The following CPEB3 variants were observed in gnomAD, a reference collection of about 807,000 sequenced individuals.
The protein encoded by CPEB3 is cytoplasmic polyadenylation element-binding protein 3.
A neutral mutation model predicts 67.2 loss-of-function variants in CPEB3; 20 were observed. That is an observed-to-expected ratio of 0.30 (90% CI 0.21 to 0.43). The LOEUF (loss-of-function observed/expected upper bound fraction) is 0.43, where lower values mean the gene tolerates loss of function less well. Among genes scored for constraint, CPEB3 ranks in the 20% least tolerant of loss-of-function variants. CPEB3 has a pLI of 1.00. For missense variants in CPEB3, 746 were observed against 968.6 expected, an observed-to-expected ratio of 0.77 and a Z score of 3.05; for synonymous variants, 376 against 393.1, an observed-to-expected ratio of 0.96 and a Z score of 0.51.
intron 9 of CPEB3, among the ~76,000 whole-genome samples, chr10:92,071,731 T>C (rs1308571302): frequency 1.4e-5 from 2 of 146,996 alleles, no homozygotes; most frequent in Non-Finnish European, 3.0e-5. Context: ...TAAGACTCCA[T>C]CTCAAAAAAA....
rs180816748 is a variant in CPEB3 at position 92,133,618 on chromosome 10, C to T, written c.1453+9411G>A. On this transcript the variant is annotated intron_variant, in intron 6 of 9. Coordinates refer to ENST00000265997, the MANE Select transcript of CPEB3 (RefSeq NM_014912.5). ...AGAGCTGGTACCATTCCTTCTAAAA[C>T]GATTCCAATCAATAGAAAAAGAGGG... 8.3e-4 allele frequency among the ~76,000 whole-genome samples: 126 copies of T among 152,248 alleles called. 1 individual carries two copies. The highest frequency in any genetic ancestry group is 2.9e-3 in the African/African-American group (122 of 41,546).
intron 4 of CPEB3, among the ~76,000 whole-genome samples, chr10:92,163,349 G>A (rs189718772): frequency 1.3e-5 from 2 of 152,142 alleles, no homozygotes; most frequent in East Asian, 1.9e-4. Context: ...CAGGAGAATC[G>A]CTTGAACCCG....
At chr10:92,078,150 A>T (rs543040572) in intron 9 of CPEB3, among the ~76,000 whole-genome samples, 2 of 152,190 alleles carry the variant, frequency 1.3e-5, no homozygotes, top group South Asian at 4.2e-4. Context: ...CCTTCACTGT[A>T]CACCGAAGCT....
intron 7 of CPEB3, among the ~76,000 whole-genome samples, chr10:92,094,438 T>A (rs1340408320): frequency 6.6e-6 from 1 of 151,874 alleles, no homozygotes; most frequent in Non-Finnish European, 1.5e-5. Context: ...CCGTTTCTAC[T>A]AAAGATACGA....
intron 4 of CPEB3, among the ~76,000 whole-genome samples, chr10:92,177,172 C>T (rs1336910087): frequency 6.6e-6 from 1 of 152,200 alleles, no homozygotes; most frequent in African/African-American, 2.4e-5. Context: ...TCTTAGCAGC[C>T]TCCTTCTCCA....
At chr10:92,144,825 T>A in intron 5 of CPEB3, 120 bp downstream of exon 5, 1 of 794,468 alleles carries the variant, frequency 1.3e-6, no homozygotes, top group South Asian at 1.7e-5. Context: ...CACCAAATAG[T>A]CTCACCTCCT....
chr10:92,066,827 T>C (rs1038763661), intron 9 of CPEB3, among the ~76,000 whole-genome samples: 2 of 151,952 alleles, frequency 1.3e-5, no homozygotes, highest in Admixed American at 1.3e-4. Flanking sequence ...GGCGGATCAC[T>C]TGAAGTCAGT....
chr10:92,150,628 C>G (rs1312841073), intron 4 of CPEB3, among the ~76,000 whole-genome samples: 1 of 152,162 alleles, frequency 6.6e-6, no homozygotes, highest in African/African-American at 2.4e-5. Context: ...CAAATCATCC[C>G]TGAGAAGTCA....
chr10:92,254,797 T>C (rs149373590), intron 1 of CPEB3, among the ~76,000 whole-genome samples: 1 of 152,184 alleles, frequency 6.6e-6, no homozygotes, highest in Admixed American at 6.5e-5. Flanking sequence ...TACCTAGGAC[T>C]ACCGGCATAT....
chr10:92,258,949 C>G (rs914605039), intron 1 of CPEB3, among the ~76,000 whole-genome samples: 1 of 150,936 alleles, frequency 6.6e-6, no homozygotes, highest in Non-Finnish European at 1.5e-5. Context: ...CGAGCCACCA[C>G]GCCTGGCCCT....
chr10:92,251,648 C>A (rs918813215), intron 1 of CPEB3, among the ~76,000 whole-genome samples: 6 of 152,044 alleles, frequency 3.9e-5, no homozygotes, highest in Admixed American at 2.6e-4. Context: ...ATACTTACAA[C>A]ACTATATTCA....
intron 2 of CPEB3, among the ~76,000 whole-genome samples, chr10:92,237,454 T>G (rs1274445081): frequency 6.6e-6 from 1 of 152,238 alleles, no homozygotes; most frequent in East Asian, 1.9e-4. Context: ...AATGGTTTGC[T>G]GTGTAACAAC....
chr10:92,060,428 T>C (rs1459901496), intron 9 of CPEB3, among the ~76,000 whole-genome samples: 1 of 152,086 alleles, frequency 6.6e-6, no homozygotes, highest in Non-Finnish European at 1.5e-5. Flanking sequence ...AGGAAAACAC[T>C]GGGAAAAATC....
chr10:92,072,980 T>A (rs1184680617), intron 9 of CPEB3, among the ~76,000 whole-genome samples: 1 of 151,952 alleles, frequency 6.6e-6, no homozygotes, highest in Non-Finnish European at 1.5e-5. Context: ...TATTTATTTA[T>A]TTCAAGATGC....
At chr10:92,224,291 A>G (rs1850855508) in intron 2 of CPEB3, among the ~76,000 whole-genome samples, 1 of 152,198 alleles carries the variant, frequency 6.6e-6, no homozygotes, top group Admixed American at 6.5e-5. Flanking sequence ...AAGATATCCT[A>G]GAGTAATCAT....
chr10:92,088,885 G>A (rs1393350502), intron 8 of CPEB3, among the ~76,000 whole-genome samples: 1 of 152,124 alleles, frequency 6.6e-6, no homozygotes, highest in East Asian at 1.9e-4. Context: ...ATGCTCTAAA[G>A]CATTTCAAAA....
intron 1 of CPEB3, among the ~76,000 whole-genome samples, chr10:92,289,732 A>AAAAAAAAAAATATAT: frequency 2.1e-4 from 16 of 75,762 alleles, no homozygotes; most frequent in Non-Finnish European, 3.1e-4. Flanking sequence ...AAAAAAAAAA[A>AAAAAAAAAAATATAT]ATATATATAT....
At chr10:92,271,355 T>C (rs1293374959) in intron 1 of CPEB3, among the ~76,000 whole-genome samples, 2 of 152,216 alleles carry the variant, frequency 1.3e-5, no homozygotes, top group Admixed American at 6.5e-5. Context: ...TTCAATATTA[T>C]TATCATGAGC....
intron 1 of CPEB3, among the ~76,000 whole-genome samples, chr10:92,254,853 T>C (rs1439268487): frequency 6.6e-6 from 1 of 151,914 alleles, no homozygotes; most frequent in Non-Finnish European, 1.5e-5. Context: ...CTTTTCCTTA[T>C]TTTTTTATTT....
Sources: gnomAD v4.1 joint callset for allele counts (sites outside exome capture counted in the v4.1 genomes callset) on GRCh38, gnomAD v4.1.1 for gene constraint, MANE v1.5 for transcripts, NCBI Gene and HGNC (gene_info 2026-07-23, HGNC 2026-07-21) for gene names.